MLH3: variants seen among roughly 807,000 people sequenced by gnomAD.
MLH3 encodes DNA mismatch repair protein Mlh3.
In MLH3, 82 loss-of-function variants were observed where a neutral mutation model predicts 122.2. That is an observed-to-expected ratio of 0.67 (90% CI 0.56 to 0.81). The LOEUF (loss-of-function observed/expected upper bound fraction) is 0.81. Ranked by LOEUF, MLH3 falls within the 30% of genes least tolerant of loss-of-function variation. MLH3 has a pLI of 0.00. For synonymous variants in MLH3, 524 were observed against 599.5 expected (o/e 0.87, Z 1.84); for missense variants, 1,539 against 1,714.5 (o/e 0.90, Z 1.81).
Position 75,048,990 on chromosome 14 carries a change from C to G in MLH3, c.666G>C (p.Lys222Asn), listed in dbSNP as rs28756980. 3.1e-6 allele frequency: 5 copies of G among 1,613,908 alleles called. No individual in the cohort carries two copies. In the Admixed American group the frequency reaches 5.0e-5, roughly 16 times the overall value. Residue 222 changes from lysine (K) to asparagine (N), a missense_variant, in exon 2 of 13, where the codon AAG becomes AAC. Transcript: ENST00000355774. ...CQIYGLGKSQ[K>N]LREISFKYKE... Reference sequence around the variant, plus strand: ...TATATTTAAAACTTATTTCTCTTAGCTTTTGGGACTTTCCCAATCCATAAA... The same window carrying G: ...TATATTTAAAACTTATTTCTCTTAGGTTTTGGGACTTTCCCAATCCATAAA...
intron 5 of MLH3, among the ~76,000 whole-genome samples, chr14:75,039,137 G>A (rs1595067454): frequency 6.6e-6 from 1 of 152,120 alleles, no homozygotes; most frequent in Admixed American, 6.5e-5. Flanking sequence ...GATTACAGGC[G>A]TGAGCCAGCG....
intron 1 of MLH3, among the ~76,000 whole-genome samples, chr14:75,050,220 T>A (rs1317347238): frequency 1.3e-5 from 2 of 152,198 alleles, no homozygotes; most frequent in Non-Finnish European, 2.9e-5. Flanking sequence ...AGAATCAAAT[T>A]GTATCAAAGA....
At chr14:75,051,279 C>T (rs979406038) in intron 1 of MLH3, 101 bp downstream of exon 1, 1 of 152,312 alleles carries the variant, frequency 6.6e-6, no homozygotes, top group African/African-American at 2.4e-5. Context: ...GGCCCTCGCG[C>T]ATCCGGCTCC....
chr14:75,039,958 T>C lies in MLH3; in HGVS notation c.3523A>G (p.Ile1175Val). Residue 1175 changes from isoleucine to valine, a missense_variant, in exon 5 of 13, where the codon ATC becomes GTC. Transcript: ENST00000355774. ...AESLAVKIHN[I>V]LYPYRFTKGM... ...TTGGTGAAACGATAGGGATACAAGA[T>C]GTTGTGAATTTTAACTGCTAAGCTC... 1.3e-6 allele frequency: 2 copies of C among 1,596,544 alleles called. No homozygotes were observed. Among genetic ancestry groups the C allele is most frequent in the Non-Finnish European group, 8.5e-7 (1 of 1,169,620 alleles).
rs1891681640 is a variant in MLH3 at position 75,039,777 on chromosome 14, C to T, written c.3570+134G>A. 4.0e-5 allele frequency: 11 copies of T among 274,598 alleles called. 2 individuals are homozygous for T. In the South Asian group the frequency reaches 7.3e-4, roughly 18 times the overall value. The allele number at this position is 274,598 out of a possible 1,614,324, so 17.0% of individuals were successfully genotyped here. A position where few individuals can be genotyped will look rare whatever the true frequency, so the allele number is the denominator to read the frequency against. On this transcript the variant is annotated intron_variant, in intron 5 of 12. Coordinates refer to ENST00000355774, the MANE Select transcript of MLH3 (RefSeq NM_001040108.2). The stretch of plus-strand genomic sequence containing the variant: ...TAGTAAGAACACACACACACACACA[C>T]ACACACACACGTGCCTTGACCAAGG...
At chr14:75,042,740 C>T (rs1891943999) in intron 2 of MLH3, among the ~76,000 whole-genome samples, 1 of 150,876 alleles carries the variant, frequency 6.6e-6, no homozygotes, top group Admixed American at 6.6e-5. Flanking sequence ...CACTGGGGGG[C>T]AATTTTGCAC....
chr14:75,049,588 C>T lies in MLH3; in HGVS notation c.68G>A (p.Gly23Asp). 6.2e-7 allele frequency: 1 copy of T among 1,614,188 alleles called. No individual in the cohort carries two copies. Among genetic ancestry groups the T allele is most frequent in the Non-Finnish European group, 8.5e-7 (1 of 1,180,036 alleles). The change falls in exon 2 of 13, where the codon GGC becomes GAC. Residue 23 changes from glycine to aspartate, a missense_variant. By Grantham distance (94) the Gly-to-Asp change is moderately conservative (BLOSUM62 -1). Transcript: ENST00000355774. ...LRSGLAISSL[G>D]QCVEELALNS... The stretch of plus-strand genomic sequence containing the variant: ...GAGGGCAAGTTCCTCAACACATTGG[C>T]CCAAGGAGCTTATGGCCAAACCAGA...
intron 9 of MLH3, among the ~76,000 whole-genome samples, chr14:75,024,381 A>G (rs759330077): frequency 6.6e-6 from 1 of 152,136 alleles, no homozygotes; most frequent in Non-Finnish European, 1.5e-5. Context: ...TTGTATCTTT[A>G]GTAGAGACAG....
chr14:75,047,914 TTC>T lies in MLH3; in HGVS notation c.1740_1741del (p.Lys581ArgfsTer7). 1 of 1,613,842 alleles carries T rather than the reference TTC, an allele frequency of 6.2e-7. No individual in the cohort carries two copies. The highest frequency in any genetic ancestry group is 1.1e-5 in the South Asian group (1 of 90,876). ...ATTGCTAGATTCTTTTTTTTTCTCT[TTC>T]TCTGTCTGAGCACTATGTACTCCCC... On this transcript the variant is annotated frameshift_variant, in exon 2 of 13. Transcript: ENST00000355774. LOFTEE classifies it high-confidence loss of function.
intron 9 of MLH3, among the ~76,000 whole-genome samples, chr14:75,028,576 C>T (rs1156721425): frequency 6.6e-6 from 1 of 151,804 alleles, no homozygotes; most frequent in Non-Finnish European, 1.5e-5. Context: ...TACCATCATG[C>T]CTGGCTAATT....
intron 7 of MLH3, 150 bp from the exon 8 acceptor site, chr14:75,032,329 C>A (rs1891105405): frequency 3.0e-6 from 2 of 670,144 alleles, no homozygotes; most frequent in African/African-American, 3.6e-5. Context: ...TTTTTAAAGT[C>A]AAACTAATAA....
rs1566602854 is a variant in MLH3, at chr14:75,046,721, CT to C, written c.2934del (p.Val979LeufsTer17). ...AGAACATCTGAATCTTTACCGGTAA[CT>C]TTAGAATTATTATAGGGCAATACCA... Reference protein sequence around the residue: ...TPLVLPYNNSKVTGKDSDVLI... With the variant: ...TPLVLPYNNSXVTGKDSDVLI... On this transcript the variant is annotated frameshift_variant, in exon 2 of 13. Coordinates refer to ENST00000355774, the MANE Select transcript of MLH3 (RefSeq NM_001040108.2). LOFTEE classifies it high-confidence loss of function. 1.2e-6 allele frequency: 2 copies of C among 1,614,126 alleles called. No homozygotes were observed. Among genetic ancestry groups the C allele is most frequent in the Admixed American group, 3.3e-5 (2 of 60,002 alleles).
intron 4 of MLH3, among the ~76,000 whole-genome samples, chr14:75,040,661 C>T (rs1566595879): frequency 6.6e-6 from 1 of 152,052 alleles, no homozygotes; most frequent in Non-Finnish European, 1.5e-5. Flanking sequence ...ATTATACACC[C>T]TGTTTATAAC....
At position 75,047,777 on chromosome 14, in the gene MLH3, A is replaced by G. The variant is rs765493144; in HGVS notation, c.1879T>C (p.Phe627Leu). The change falls in exon 2 of 13, where the codon TTT becomes CTT. Residue 627 changes from phenylalanine (F) to leucine (L), a missense_variant. Physicochemically the swap from Phe to Leu is conservative, Grantham distance 22. Transcript: ENST00000355774. ...GGACCAGGTCTAACATAATTTTTAA[A>G]TGAATGTTCTGTTTCAGTTGATTTA... is the stretch of plus-strand genomic sequence containing the variant. ...KTKSTETEHS[F>L]KNYVRPGPTR... is the part of the protein sequence containing the mutation. 1.9e-6 allele frequency: 3 copies of G among 1,614,098 alleles called. No homozygotes were observed. The highest frequency in any genetic ancestry group is 2.2e-5 in the East Asian group (1 of 44,878).
chr14:75,021,274 C>A (rs1435984208), intron 11 of MLH3, among the ~76,000 whole-genome samples: 1 of 152,186 alleles, frequency 6.6e-6, no homozygotes, highest in African/African-American at 2.4e-5. Context: ...ACTCTAAAAG[C>A]AACTGCAATA....
chr14:75,046,923 C>A lies in MLH3; in HGVS notation c.2733G>T (p.Leu911Phe), dbSNP rs1417357956. Residue 911 changes from leucine (L) to phenylalanine (F), a missense_variant, in exon 2 of 13, where the codon TTG becomes TTT. Transcript: ENST00000355774. The part of the protein sequence containing the change: ...NSDSSRKDSK[L>F]CSVLTQDFCM... ...AAAAATCTTGTGTTAACACACTGCACAACTTGCTGTCTTTCCTACTGGAAT... is the reference window on the plus strand; with the variant it reads ...AAAAATCTTGTGTTAACACACTGCAAAACTTGCTGTCTTTCCTACTGGAAT... 1.2e-6 allele frequency: 2 copies of A among 1,613,822 alleles called. No homozygotes were observed. Among genetic ancestry groups the A allele is most frequent in the Non-Finnish European group, 1.7e-6 (2 of 1,179,936 alleles).
chr14:75,041,627 G>C lies in MLH3; in HGVS notation c.3453C>G (p.Ala1151=), dbSNP rs2139492750. The change falls in exon 4 of 13, where the codon GCC becomes GCG. Residue 1151 remains alanine (A), a synonymous_variant. Transcript: ENST00000355774. ...LFSEWDNPVF[A]RYPEVAVDVS... ...GCTACAGACCCACCTCTGGATAACG[G>C]GCAAATACTGGATTGTCCCATTCTG... 2 of 1,613,384 alleles carry C rather than the reference G, an allele frequency of 1.2e-6. No homozygotes were observed. The highest frequency in any genetic ancestry group is 8.5e-7 in the Non-Finnish European group (1 of 1,179,380).
In MLH3 at chr14:75,048,488, A is replaced by T. The variant is rs61752721; in HGVS notation, c.1168T>A (p.Phe390Ile). 251 of 1,613,026 alleles carry T rather than the reference A, an allele frequency of 1.6e-4. No homozygotes were observed. Among genetic ancestry groups the T allele is most frequent in the Non-Finnish European group, 4.4e-5 (52 of 1,179,764 alleles). ...KRVTSDERSN[F>I]QEACNNILDS... is the part of the protein sequence containing the mutation. ...AAAATATTATTACATGCTTCCTGGAAATTGCTCCTCTCATCGGAAGTCACA... is the reference window on the plus strand; with the variant it reads ...AAAATATTATTACATGCTTCCTGGATATTGCTCCTCTCATCGGAAGTCACA... The change falls in exon 2 of 13, where the codon TTC becomes ATC. Residue 390 changes from phenylalanine (F) to isoleucine (I), a missense_variant. Phe to Ile is a conservative substitution (Grantham distance 21). Transcript: ENST00000355774.
At chr14:75,038,464 C>T (rs754297226) in intron 5 of MLH3, 52 bp from the exon 6 acceptor site, 1 of 1,135,302 alleles carries the variant, frequency 8.8e-7, no homozygotes, top group Admixed American at 1.7e-5. Flanking sequence ...TTAACAAAGG[C>T]TTATTTGCAT....
Sources: gnomAD v4.1 joint callset for allele counts (sites outside exome capture counted in the v4.1 genomes callset) on GRCh38, gnomAD v4.1.1 for gene constraint, MANE v1.5 for transcripts, NCBI Gene and HGNC (gene_info 2026-07-23, HGNC 2026-07-21) for gene names.